Variants in ADAM28 observed in about 807,000 individuals in gnomAD.
ADAM28 encodes the protein disintegrin and metalloproteinase domain-containing protein 28.
Under a neutral mutation model 101.2 loss-of-function variants are expected in ADAM28, and 105 were observed. The observed-to-expected ratio is 1.04, with a 90% CI of 0.89 to 1.22. The LOEUF is 1.22. Among genes scored for constraint, ADAM28 ranks in the 50% most tolerant of loss-of-function variants. The pLI is 0.00. For missense variants in ADAM28, 1,028 were observed against 945.4 expected, an observed-to-expected ratio of 1.09 and a Z score of -1.15; for synonymous variants, 322 against 310.6, an observed-to-expected ratio of 1.04 and a Z score of -0.39.
intron 8 of ADAM28, among the ~76,000 whole-genome samples, chr8:24,323,380 A>G (rs1040401133): frequency 1.3e-5 from 2 of 151,952 alleles, no homozygotes; most frequent in African/African-American, 4.8e-5. Context: ...AAATGCATCA[A>G]TGTACAACAT....
intron 2 of ADAM28, among the ~76,000 whole-genome samples, chr8:24,306,766 C>T (rs549847475): frequency 2.5e-4 from 38 of 152,246 alleles, no homozygotes; most frequent in Non-Finnish European, 4.9e-4. Flanking sequence ...CAATCCTATC[C>T]TGTGGCTTTT....
chr8:24,309,909 GAATT>G lies in ADAM28; in HGVS notation c.169_172del (p.Leu57SerfsTer4). The G allele has an allele frequency of 1.3e-6, 2 of 1,552,688 alleles. No individual in the cohort carries two copies. Among genetic ancestry groups the G allele is most frequent in the Non-Finnish European group, 1.8e-6 (2 of 1,129,096 alleles). On this transcript the variant is annotated frameshift_variant, in exon 3 of 23. Coordinates refer to ENST00000265769, the MANE Select transcript of ADAM28 (RefSeq NM_014265.6). LOFTEE classifies it high-confidence loss of function. ...ATTTTTGCAGGAACAATTTGAAACT[GAATT>G]AAAGTATAAAATGACAATTAATGGA...
intron 1 of ADAM28, among the ~76,000 whole-genome samples, chr8:24,298,409 G>A (rs1192430056): frequency 1.3e-5 from 2 of 152,030 alleles, no homozygotes; most frequent in Non-Finnish European, 2.9e-5. Flanking sequence ...AGTCATTCTC[G>A]AGTAATTTTT....
intron 10 of ADAM28, 87 bp downstream of exon 10, chr8:24,326,722 T>C (rs1812670938): frequency 3.9e-6 from 5 of 1,286,146 alleles, no homozygotes; most frequent in Non-Finnish European, 5.5e-6. Context: ...ATGATAGTTT[T>C]TCTCTGTAGT....
rs1385835048 is a variant in ADAM28 at position 24,354,452 on chromosome 8, C to T, written c.*48C>T. On this transcript the variant is annotated 3_prime_UTR_variant, in exon 23 of 23. Transcript: ENST00000265769. ...ATGGCTAAATTATCAACTTGGAAAA[C>T]TGGAAAATCTGGATGGCAGAGAAAT... is the stretch of plus-strand genomic sequence containing the variant. 4 of 1,572,104 alleles carry T rather than the reference C, an allele frequency of 2.5e-6. No homozygotes were observed. Among genetic ancestry groups the T allele is most frequent in the African/African-American group, 2.9e-5 (2 of 69,056 alleles).
At chr8:24,335,663 C>T (rs1813933713) in intron 14 of ADAM28, 22 bp downstream of exon 14, 2 of 1,566,908 alleles carry the variant, frequency 1.3e-6, no homozygotes, top group South Asian at 1.2e-5. Flanking sequence ...AATCCTTTCC[C>T]CTGTGCATGT....
intron 21 of ADAM28, among the ~76,000 whole-genome samples, chr8:24,353,061 A>G (rs915185122): frequency 6.6e-6 from 1 of 152,174 alleles, no homozygotes; most frequent in Non-Finnish European, 1.5e-5. Context: ...TCCCAGGGAT[A>G]TCTAAAACTT....
At chr8:24,352,403 G>A (rs1816271482) in intron 21 of ADAM28, among the ~76,000 whole-genome samples, 1 of 152,158 alleles carries the variant, frequency 6.6e-6, no homozygotes, top group Admixed American at 6.6e-5. Flanking sequence ...TCAAGGAGCT[G>A]GCAGATCCAG....
intron 11 of ADAM28, among the ~76,000 whole-genome samples, chr8:24,330,676 C>T (rs1035444558): frequency 6.6e-6 from 1 of 152,148 alleles, no homozygotes; most frequent in African/African-American, 2.4e-5. Context: ...GGGTTATTCT[C>T]CAAAGCCCCT....
At chr8:24,337,886 G>A (rs1443736852) in intron 14 of ADAM28, among the ~76,000 whole-genome samples, 2 of 152,162 alleles carry the variant, frequency 1.3e-5, no homozygotes, top group Admixed American at 6.5e-5. Context: ...AAATACAAAT[G>A]TCCTGTAAAA....
At chr8:24,331,414 A>T in intron 12 of ADAM28, 87 bp downstream of exon 12, 1 of 1,325,394 alleles carries the variant, frequency 7.5e-7, no homozygotes, top group Non-Finnish European at 1.0e-6. Flanking sequence ...GCCCGCTATA[A>T]CATTATAGGT....
chr8:24,330,191 C>A, intron 11 of ADAM28, 76 bp downstream of exon 11: 2 of 1,479,782 alleles, frequency 1.4e-6, no homozygotes, highest in South Asian at 2.8e-5. Context: ...TACTTTAGGT[C>A]ATCTTCAACA....
intron 9 of ADAM28, among the ~76,000 whole-genome samples, chr8:24,324,439 G>A (rs945849074): frequency 6.6e-6 from 1 of 151,998 alleles, no homozygotes; most frequent in Non-Finnish European, 1.5e-5. Flanking sequence ...TCTGATGGCT[G>A]TAAATTATAT....
intron 8 of ADAM28, among the ~76,000 whole-genome samples, chr8:24,323,539 C>T (rs1289955169): frequency 6.6e-6 from 1 of 151,856 alleles, no homozygotes. Flanking sequence ...TATAGTATTT[C>T]TTAAGAGCAT....
chr8:24,345,040 A>T (rs1384004978), intron 18 of ADAM28, among the ~76,000 whole-genome samples: 1 of 151,824 alleles, frequency 6.6e-6, no homozygotes, highest in Non-Finnish European at 1.5e-5. Context: ...AAAAAAAAAA[A>T]AACAAGGCCA....
chr8:24,339,435 T>C, intron 14 of ADAM28, 31 bp from the exon 15 acceptor site: 2 of 1,537,560 alleles, frequency 1.3e-6, no homozygotes, highest in Non-Finnish European at 1.8e-6. Context: ...AAATCTATTT[T>C]CTTTTCCCTG....
In ADAM28 at chr8:24,311,364, G is replaced by T. The variant is rs1004986579; in HGVS notation, c.310G>T (p.Asp104Tyr). ...TACAAAACCCCTTTTCCTTTAGGAT[G>T]ATTGTTATTATCAAGGACATATTCT... Reference protein sequence around the residue: ...EITTSPQIMDDCYYQGHILNE... With the variant: ...EITTSPQIMDYCYYQGHILNE... The change falls in exon 5 of 23, where the codon GAT (aspartate) becomes TAT (tyrosine). Residue 104 changes from aspartate to tyrosine, a missense_variant. Transcript: ENST00000265769. 3 of 1,612,002 alleles carry T rather than the reference G, an allele frequency of 1.9e-6. No individual in the cohort carries two copies. Among genetic ancestry groups the T allele is most frequent in the African/African-American group, 2.7e-5 (2 of 74,812 alleles).
chr8:24,316,060 CCATT>C (rs78095177), intron 6 of ADAM28, among the ~76,000 whole-genome samples: 15,859 of 147,872 alleles, frequency 0.11, 1,073 homozygotes, highest in East Asian at 0.23. Context: ...ATCATAAAGG[CCATT>C]TATTTATTTA....
intron 19 of ADAM28, 111 bp from the exon 20 acceptor site, chr8:24,351,121 T>G: frequency 1.2e-6 from 1 of 848,668 alleles, no homozygotes; most frequent in Non-Finnish European, 1.7e-6. Context: ...ACCCAGGCAA[T>G]AGGCAAGAAA....
Sources: allele counts gnomAD v4.1 joint callset (sites outside exome capture counted in the v4.1 genomes callset), GRCh38; gene constraint gnomAD v4.1.1; transcripts MANE v1.5; gene names NCBI Gene and HGNC (gene_info 2026-07-23, HGNC 2026-07-21).